The following CNTN5 variants were observed in gnomAD, a reference collection of about 807,000 sequenced individuals.
CNTN5 encodes the protein contactin 5, also known as contactin-5.
Under a neutral mutation model 129.1 loss-of-function variants are expected in CNTN5, and 77 were observed. That is an observed-to-expected ratio of 0.60 (90% CI 0.50 to 0.72). CNTN5 has a LOEUF of 0.72. CNTN5 is among the 30% of genes least tolerant of loss of function. The probability of loss-of-function intolerance (pLI) is 0.00; values close to 1 mark genes in which losing one functional copy is unlikely to be tolerated. For synonymous variants in CNTN5, 509 were observed against 465.6 expected (o/e 1.09, Z -1.20); for missense variants, 1,478 against 1,328.8 (o/e 1.11, Z -1.75).
chr11:99,249,305 C>T (rs973579885), intron 1 of CNTN5, among the ~76,000 whole-genome samples: 4 of 151,872 alleles, frequency 2.6e-5, no homozygotes, highest in African/African-American at 7.3e-5. Flanking sequence ...GTGATTTTTG[C>T]ACATTGATTT....
chr11:100,088,108 C>T (rs1381759913), intron 13 of CNTN5, among the ~76,000 whole-genome samples: 2 of 151,604 alleles, frequency 1.3e-5, no homozygotes, highest in Admixed American at 1.3e-4. Flanking sequence ...TGCAAATAAG[C>T]ACAATCAGAA....
At chr11:100,124,976 C>T (rs573094096) in intron 13 of CNTN5, among the ~76,000 whole-genome samples, 14 of 152,208 alleles carry the variant, frequency 9.2e-5, no homozygotes, top group African/African-American at 2.9e-4. Context: ...GTCTCATCCT[C>T]ATAATTTCTG....
chr11:99,689,388 G>C (rs559701052), intron 3 of CNTN5, among the ~76,000 whole-genome samples: 1 of 151,850 alleles, frequency 6.6e-6, no homozygotes. Context: ...TTAGCTGGGC[G>C]TGGTGGTGGG....
intron 3 of CNTN5, among the ~76,000 whole-genome samples, chr11:99,787,729 T>C (rs1414197534): frequency 6.6e-6 from 1 of 152,018 alleles, no homozygotes; most frequent in African/African-American, 2.4e-5. Context: ...TCTATTAACT[T>C]TGACCAGAAC....
intron 7 of CNTN5, among the ~76,000 whole-genome samples, chr11:99,953,771 A>C (rs1950731149): frequency 6.6e-6 from 1 of 152,174 alleles, no homozygotes. Flanking sequence ...CCCCAATGAG[A>C]AACCAAAAGC....
chr11:100,029,963 T>C (rs1418099416), intron 9 of CNTN5, among the ~76,000 whole-genome samples: 1 of 152,194 alleles, frequency 6.6e-6, no homozygotes, highest in Non-Finnish European at 1.5e-5. Flanking sequence ...GAATGGAAAT[T>C]CATTAAAAAC....
chr11:99,934,963 T>C (rs886085064), intron 7 of CNTN5, among the ~76,000 whole-genome samples: 4 of 138,540 alleles, frequency 2.9e-5, no homozygotes, highest in South Asian at 2.3e-4. Flanking sequence ...CACATATATA[T>C]GGTGATTAGT....
chr11:99,438,472 T>G (rs1192539316), intron 2 of CNTN5, among the ~76,000 whole-genome samples: 1 of 152,184 alleles, frequency 6.6e-6, no homozygotes. Flanking sequence ...TTAGGTCACC[T>G]AAAAATATCT....
chr11:99,467,367 T>G (rs1160876461), intron 2 of CNTN5, among the ~76,000 whole-genome samples: 1 of 152,180 alleles, frequency 6.6e-6, no homozygotes, highest in Admixed American at 6.5e-5. Context: ...AATTTACCCT[T>G]ATACATGGTG....
chr11:99,507,287 G>T (rs1256693386), intron 2 of CNTN5, among the ~76,000 whole-genome samples: 2 of 145,458 alleles, frequency 1.4e-5, no homozygotes, highest in South Asian at 4.4e-4. Context: ...TGAGGCAGGA[G>T]AATCGCTTGA....
chr11:100,046,915 T>TA (rs1942712343), intron 9 of CNTN5, among the ~76,000 whole-genome samples: 1 of 152,146 alleles, frequency 6.6e-6, no homozygotes, highest in African/African-American at 2.4e-5. Context: ...AATTTTTTTT[T>TA]ATCAGAAACT....
chr11:100,345,044 G>A (rs1269895349), intron 23 of CNTN5, among the ~76,000 whole-genome samples: 1 of 152,110 alleles, frequency 6.6e-6, no homozygotes, highest in Non-Finnish European at 1.5e-5. Context: ...AGCAGAATTT[G>A]ACATTTGAGC....
At chr11:99,774,817 C>T (rs1235936539) in intron 3 of CNTN5, among the ~76,000 whole-genome samples, 1 of 152,024 alleles carries the variant, frequency 6.6e-6, no homozygotes, top group Admixed American at 6.6e-5. Flanking sequence ...AATCCGCTCT[C>T]CAGTTTTGTT....
intron 6 of CNTN5, among the ~76,000 whole-genome samples, chr11:99,887,735 T>C (rs1256082279): frequency 1.3e-5 from 2 of 152,224 alleles, no homozygotes; most frequent in African/African-American, 4.8e-5. Flanking sequence ...ACTTGGAGTC[T>C]GATGTTTGAG....
chr11:99,657,269 C>T (rs1326496594), intron 3 of CNTN5, among the ~76,000 whole-genome samples: 1 of 151,830 alleles, frequency 6.6e-6, no homozygotes, highest in East Asian at 1.9e-4. Context: ...AAAACATCAA[C>T]ATCACAAAAA....
At chr11:99,166,082 G>C (rs1860852060) in intron 1 of CNTN5, among the ~76,000 whole-genome samples, 1 of 152,112 alleles carries the variant, frequency 6.6e-6, no homozygotes, top group Non-Finnish European at 1.5e-5. Context: ...AACTATATTT[G>C]GTTCCCTACT....
intron 1 of CNTN5, among the ~76,000 whole-genome samples, chr11:99,126,842 C>T (rs1470771971): frequency 6.6e-6 from 1 of 152,134 alleles, no homozygotes; most frequent in Non-Finnish European, 1.5e-5. Flanking sequence ...GTATTATCTT[C>T]CACTGGATGT....
intron 1 of CNTN5, among the ~76,000 whole-genome samples, chr11:99,307,811 G>C (rs1342604642): frequency 6.6e-6 from 1 of 152,136 alleles, no homozygotes; most frequent in African/African-American, 2.4e-5. Flanking sequence ...ATGTCAGGCT[G>C]TCATATTTTA....
At chr11:100,060,379 A>C (rs1052539719) in intron 9 of CNTN5, among the ~76,000 whole-genome samples, 2 of 152,116 alleles carry the variant, frequency 1.3e-5, no homozygotes, top group Non-Finnish European at 2.9e-5. Context: ...AATAGCAAAT[A>C]TACAAAATTT....
Sources: gnomAD v4.1 joint callset for allele counts (sites outside exome capture counted in the v4.1 genomes callset) on GRCh38, gnomAD v4.1.1 for gene constraint, MANE v1.5 for transcripts, NCBI Gene and HGNC (gene_info 2026-07-23, HGNC 2026-07-21) for gene names.